The following NOD2 variants were observed in gnomAD, a reference collection of about 807,000 sequenced individuals.
NOD2 encodes nucleotide binding oligomerization domain containing 2, also known as nucleotide-binding oligomerization domain-containing protein 2.
NOD2 carries 86 observed loss-of-function variants against 90.9 expected under a neutral mutation model. That is an observed-to-expected ratio of 0.95 (90% CI 0.79 to 1.13). The LOEUF (loss-of-function observed/expected upper bound fraction) is 1.13. Among genes scored for constraint, NOD2 ranks in the 50% most tolerant of loss-of-function variants. NOD2 has a pLI of 0.00. For synonymous variants in NOD2, 581 were observed against 554.6 expected (o/e 1.05, Z -0.67); for missense variants, 1,238 against 1,283.8 (o/e 0.96, Z 0.55).
In NOD2 at chr16:50,718,794, G is replaced by A. The variant is rs113619162; in HGVS notation, c.2550-1131G>A. Among the ~76,000 whole-genome samples the A allele has an allele frequency of 1.8e-3, 280 of 152,370 alleles. 1 individual carries two copies. The highest frequency in any genetic ancestry group is 6.3e-3 in the African/African-American group (262 of 41,600). Reference sequence around the variant, plus strand: ...GGCAGGGGCTTTATATAGTAAGCGAGTGGCTGAAAGATGATGGGTAAATCA... The same window carrying A: ...GGCAGGGGCTTTATATAGTAAGCGAATGGCTGAAAGATGATGGGTAAATCA... On this transcript the variant is annotated intron_variant, in intron 6 of 11. Transcript: ENST00000647318.
intron 7 of NOD2, among the ~76,000 whole-genome samples, chr16:50,720,986 G>A (rs1419705320): frequency 6.6e-6 from 1 of 152,024 alleles, no homozygotes; most frequent in African/African-American, 2.4e-5. Context: ...TGTATTTTTA[G>A]TAGAGACAGG....
rs761162184 is a variant in NOD2 at position 50,711,918 on chromosome 16, C to T, written c.1926C>T (p.His642=). The T allele has an allele frequency of 6.2e-7, 1 of 1,609,246 alleles. No individual in the cohort carries two copies. Among genetic ancestry groups the T allele is most frequent in the Admixed American group, 1.7e-5 (1 of 59,878 alleles). Residue 642 remains histidine, a synonymous_variant, in exon 4 of 12, where the codon CAC becomes CAT. Coordinates refer to ENST00000647318, the MANE Select transcript of NOD2 (RefSeq NM_001370466.1). ...CTTTGCTGCAGAAGGCCGAGCCGCA[C>T]AACCTTCAGATCACAGCAGCCTTCC... ...VAALLQKAEP[H]NLQITAAFLA... is the part of the protein sequence containing the mutation.
chr16:50,723,454 T>G, intron 9 of NOD2, 70 bp downstream of exon 9: 1 of 1,387,244 alleles, frequency 7.2e-7, no homozygotes, highest in Non-Finnish European at 1.0e-6. Context: ...GCCTCATCCA[T>G]AGGAGCGGTT....
At chr16:50,729,222 G>A (rs1965369122) in intron 10 of NOD2, 1 of 159,300 alleles carries the variant, frequency 6.3e-6, no homozygotes, top group Admixed American at 6.0e-5. Context: ...GAATTCAAGA[G>A]ATTTGGGTGG....
intron 7 of NOD2, among the ~76,000 whole-genome samples, chr16:50,721,382 G>T (rs78015461): frequency 1.3e-3 from 191 of 146,804 alleles, no homozygotes; most frequent in African/African-American, 4.6e-3. Flanking sequence ...TTTTTTGTTT[G>T]TTTGTTTGTT....
rs1378981093 is a variant in NOD2, at chr16:50,712,123, G to A, written c.2131G>A (p.Gly711Arg). The part of the protein sequence containing the change: ...GEAKSVHAMP[G>R]FIWLIRSLYE... Reference sequence around the variant, plus strand: ...GGCCAAGAGCGTGCATGCCATGCCCGGGTTCATCTGGCTCATCCGGAGCCT... The same window carrying A: ...GGCCAAGAGCGTGCATGCCATGCCCAGGTTCATCTGGCTCATCCGGAGCCT... The change falls in exon 4 of 12, where the codon GGG becomes AGG. Residue 711 changes from glycine to arginine, a missense_variant. Transcript: ENST00000647318. 4 of 1,613,924 alleles carry A rather than the reference G, an allele frequency of 2.5e-6. No homozygotes were observed. Among genetic ancestry groups the A allele is most frequent in the East Asian group, 2.2e-5 (1 of 44,900 alleles).
intron 6 of NOD2, among the ~76,000 whole-genome samples, chr16:50,718,704 C>T (rs1427895206): frequency 1.3e-5 from 2 of 152,198 alleles, no homozygotes; most frequent in African/African-American, 4.8e-5. Context: ...GGTAATAACC[C>T]TGGCTACCTC....
intron 11 of NOD2, among the ~76,000 whole-genome samples, chr16:50,731,325 T>C (rs1965446127): frequency 6.6e-6 from 1 of 152,200 alleles, no homozygotes; most frequent in Non-Finnish European, 1.5e-5. Context: ...TGCACAGTCC[T>C]AAGAAACATC....
intron 1 of NOD2, chr16:50,697,588 C>G (rs1331742813): frequency 1.9e-6 from 1 of 519,104 alleles, no homozygotes; most frequent in Non-Finnish European, 3.5e-6. Context: ...TTTGTCCTCT[C>G]TTCCCCTGTC....
At chr16:50,720,772 G>A (rs1453590881) in intron 7 of NOD2, among the ~76,000 whole-genome samples, 1 of 152,176 alleles carries the variant, frequency 6.6e-6, no homozygotes, top group African/African-American at 2.4e-5. Flanking sequence ...CCATTTCACA[G>A]GGAGGCAAGT....
chr16:50,731,575 G>A (rs764480921), intron 11 of NOD2, among the ~76,000 whole-genome samples, 172 bp from the exon 12 acceptor site: 3 of 152,206 alleles, frequency 2.0e-5, no homozygotes, highest in Non-Finnish European at 2.9e-5. Context: ...TTCCTGAGCT[G>A]CCCTGGTTGG....
intron 7 of NOD2, among the ~76,000 whole-genome samples, chr16:50,721,376 TTG>T (rs1381137478): frequency 6.6e-5 from 10 of 150,698 alleles, no homozygotes; most frequent in African/African-American, 2.2e-4. Context: ...GTTTTTTTTT[TTG>T]TTTGTTTGTT....
chr16:50,697,479 G>C (rs1963709009), intron 1 of NOD2: 1 of 734,592 alleles, frequency 1.4e-6, no homozygotes, highest in Non-Finnish European at 2.4e-6. Context: ...CCCAGGACCT[G>C]GGCAGGGTCA....
intron 8 of NOD2, 104 bp from the exon 9 acceptor site, chr16:50,723,197 T>C (rs1343443930): frequency 3.7e-6 from 3 of 806,840 alleles, no homozygotes; most frequent in South Asian, 1.4e-5. Context: ...ATGTCTGAAA[T>C]GGAGCAGACC....
chr16:50,711,143 T>G lies in NOD2; in HGVS notation c.1151T>G (p.Leu384Arg). 6.2e-7 allele frequency: 1 copy of G among 1,614,156 alleles called. No homozygotes were observed. The highest frequency in any genetic ancestry group is 8.5e-7 in the Non-Finnish European group (1 of 1,180,022). ...GTCCAGACCCTGCTCTTCAACCTTC[T>G]GCAGGGCAACCTGCTGAAGAATGCC... Reference protein sequence around the residue: ...TSVQTLLFNLLQGNLLKNARK... With the variant: ...TSVQTLLFNLRQGNLLKNARK... The change falls in exon 4 of 12, where the codon CTG becomes CGG. Residue 384 changes from leucine to arginine, a missense_variant. Transcript: ENST00000647318.
intron 10 of NOD2, chr16:50,728,138 G>T: frequency 4.8e-6 from 1 of 209,280 alleles, no homozygotes; most frequent in Non-Finnish European, 9.9e-6. Flanking sequence ...TTTCCAATTT[G>T]CTTCAAATGC....
rs1178978578 is a variant in NOD2 at position 50,716,883 on chromosome 16, C to G, written c.2466-8C>G. Reference sequence around the variant, plus strand: ...CTTCTGTGTCTCCTCTCTTCTGGAACTGAACAGTCTATTCAACAACAAATT... The same window carrying G: ...CTTCTGTGTCTCCTCTCTTCTGGAAGTGAACAGTCTATTCAACAACAAATT... On this transcript the variant is annotated splice_region_variant and splice_polypyrimidine_tract_variant and intron_variant, in intron 5 of 11. Transcript: ENST00000647318. 3.7e-6 allele frequency: 6 copies of G among 1,613,502 alleles called. No individual in the cohort carries two copies. The highest frequency in any genetic ancestry group is 4.2e-6 in the Non-Finnish European group (5 of 1,179,356).
chr16:50,713,257 C>A (rs986255881), intron 4 of NOD2: 1 of 152,238 alleles, frequency 6.6e-6, no homozygotes, highest in African/African-American at 2.4e-5. Context: ...TGATTCCCAG[C>A]CTCCAGGGGC....
In NOD2 at chr16:50,722,178, G is replaced by A. The variant is rs190262090; in HGVS notation, c.2634-444G>A. Reference sequence around the variant, plus strand: ...TGGCGTGAAGGAATTAGGGGTGTTAGGAAGAAGCAGGAGATAAAGAGCTAG... The same window carrying A: ...TGGCGTGAAGGAATTAGGGGTGTTAAGAAGAAGCAGGAGATAAAGAGCTAG... On this transcript the variant is annotated intron_variant, in intron 7 of 11. Coordinates refer to ENST00000647318, the MANE Select transcript of NOD2 (RefSeq NM_001370466.1). Among the ~76,000 whole-genome samples, 30 of 152,312 alleles carry A rather than the reference G, an allele frequency of 2.0e-4. No homozygotes were observed. The East Asian group carries it at 5.6e-3, about 28-fold the overall frequency.
Sources: gnomAD v4.1 joint callset for allele counts (sites outside exome capture counted in the v4.1 genomes callset) on GRCh38, gnomAD v4.1.1 for gene constraint, MANE v1.5 for transcripts, NCBI Gene and HGNC (gene_info 2026-07-23, HGNC 2026-07-21) for gene names.